NALF1: variants seen among roughly 807,000 people sequenced by gnomAD.
NALF1 encodes NALCN channel auxiliary factor 1.
Under a neutral mutation model 48.4 loss-of-function variants are expected in NALF1, and 3 were observed. That is an observed-to-expected ratio of 0.06 (90% CI 0.03 to 0.16). NALF1 has a LOEUF of 0.16. Among genes scored for constraint, NALF1 ranks in the 10% least tolerant of loss-of-function variants. NALF1 has a pLI of 1.00. For missense variants in NALF1, 526 were observed against 571.5 expected (o/e 0.92, Z 0.81); for synonymous variants, 262 against 245.7 (o/e 1.07, Z -0.62).
At chr13:107,576,563 C>T (rs9301239) in intron 1 of NALF1, among the ~76,000 whole-genome samples, 136,117 of 152,186 alleles carry the variant, frequency 0.89, 62,079 homozygotes, top group East Asian at 1. Context: ...TGATAGGCTA[C>T]AGTAAGACTA....
intron 1 of NALF1, among the ~76,000 whole-genome samples, chr13:107,520,197 A>G (rs1876191706): frequency 6.6e-6 from 1 of 152,166 alleles, no homozygotes; most frequent in Non-Finnish European, 1.5e-5. Context: ...TTCTATATGT[A>G]TAAGAAAAAA....
intron 1 of NALF1, among the ~76,000 whole-genome samples, chr13:107,785,268 G>A (rs910455114): frequency 1.3e-5 from 2 of 152,060 alleles, no homozygotes; most frequent in African/African-American, 4.8e-5. Context: ...ATTACTATGT[G>A]CTGATTCCAC....
chr13:107,815,565 G>A (rs982004420), intron 1 of NALF1, among the ~76,000 whole-genome samples: 3 of 152,166 alleles, frequency 2.0e-5, no homozygotes, highest in Non-Finnish European at 1.5e-5. Flanking sequence ...GCTAGTAGAA[G>A]TGTAAAATAC....
intron 1 of NALF1, among the ~76,000 whole-genome samples, chr13:107,458,727 C>T (rs570942506): frequency 5.9e-5 from 9 of 152,180 alleles, no homozygotes; most frequent in African/African-American, 1.7e-4. Flanking sequence ...AGACCAACAA[C>T]GCAGAAACAT....
At chr13:107,243,286 G>T (rs911639523) in intron 1 of NALF1, among the ~76,000 whole-genome samples, 5 of 152,038 alleles carry the variant, frequency 3.3e-5, no homozygotes, top group African/African-American at 1.2e-4. Flanking sequence ...CACCTCCCTT[G>T]TCCTCTACCC....
In NALF1 at chr13:107,167,125, GAAT is replaced by G. The variant is rs1324073960; in HGVS notation, c.*3369_*3371del. The G allele has an allele frequency of 1.3e-5, 2 of 152,088 alleles. No individual in the cohort carries two copies. Among genetic ancestry groups the G allele is most frequent in the Non-Finnish European group, 2.9e-5 (2 of 67,996 alleles). The allele number at this position is 152,088 out of a possible 1,614,324, so 9.4% of individuals were successfully genotyped here. A position where few individuals can be genotyped will look rare whatever the true frequency, so the allele number is the denominator to read the frequency against. On this transcript the variant is annotated 3_prime_UTR_variant, in exon 3 of 3. Coordinates refer to ENST00000375915, the MANE Select transcript of NALF1 (RefSeq NM_001080396.3). ...GAAATTTCTCTATTGCAGATAAAAAGAATAATAAACAGGGAAATCTATGCCATA... is the reference window on the plus strand; with the variant it reads ...GAAATTTCTCTATTGCAGATAAAAAGAATAAACAGGGAAATCTATGCCATA...
intron 1 of NALF1, among the ~76,000 whole-genome samples, chr13:107,279,035 CTTTTCTTCTTTT>C (rs1881335019): frequency 8.1e-6 from 1 of 124,196 alleles, no homozygotes; most frequent in African/African-American, 2.9e-5. Flanking sequence ...CTTTTCTTTT[CTTTTCTTCTTTT>C]TTTTTTTTTT....
chr13:107,535,715 G>A (rs1385691821), intron 1 of NALF1, among the ~76,000 whole-genome samples: 2 of 151,982 alleles, frequency 1.3e-5, no homozygotes, highest in Admixed American at 6.6e-5. Flanking sequence ...TCACAGAATT[G>A]GAAAAAACTA....
chr13:107,196,351 C>G (rs910055715), intron 2 of NALF1, among the ~76,000 whole-genome samples: 11 of 152,094 alleles, frequency 7.2e-5, no homozygotes, highest in African/African-American at 2.4e-4. Flanking sequence ...TAGAATCAAG[C>G]TAGTAATGAG....
chr13:107,678,671 A>T (rs6492069), intron 1 of NALF1, among the ~76,000 whole-genome samples: 1 of 152,062 alleles, frequency 6.6e-6, no homozygotes, highest in Non-Finnish European at 1.5e-5. Flanking sequence ...GGGAGAACTC[A>T]GGAAACTCAC....
At chr13:107,667,097 T>C (rs1465575703) in intron 1 of NALF1, among the ~76,000 whole-genome samples, 2 of 152,092 alleles carry the variant, frequency 1.3e-5, no homozygotes, top group Non-Finnish European at 2.9e-5. Context: ...ATTTTTATAG[T>C]TTCATCTTGA....
intron 1 of NALF1, among the ~76,000 whole-genome samples, chr13:107,860,543 C>T (rs1046402492): frequency 6.6e-6 from 1 of 152,076 alleles, no homozygotes; most frequent in African/African-American, 2.4e-5. Flanking sequence ...GCCTTAGCGC[C>T]CTCAAAGATT....
intron 1 of NALF1, among the ~76,000 whole-genome samples, chr13:107,638,142 A>G (rs1943380149): frequency 7.4e-6 from 1 of 135,978 alleles, no homozygotes; most frequent in Non-Finnish European, 1.6e-5. Flanking sequence ...CAATGAACCT[A>G]TATATGAAAG....
intron 1 of NALF1, among the ~76,000 whole-genome samples, chr13:107,659,331 A>C (rs1022581633): frequency 2.0e-5 from 3 of 151,998 alleles, no homozygotes; most frequent in African/African-American, 7.3e-5. Context: ...TTCCCACTAG[A>C]TTGCTGCCTT....
intron 1 of NALF1, among the ~76,000 whole-genome samples, chr13:107,832,335 A>G (rs764353634): frequency 2.0e-4 from 31 of 152,044 alleles, no homozygotes; most frequent in Non-Finnish European, 2.9e-4. Flanking sequence ...TGCTTACTTC[A>G]GCTTTATCTC....
intron 1 of NALF1, among the ~76,000 whole-genome samples, chr13:107,747,347 C>T (rs756780515): frequency 2.6e-5 from 4 of 152,164 alleles, no homozygotes; most frequent in East Asian, 1.9e-4. Context: ...TCAAATGGTG[C>T]TTCTTTTGGG....
At position 107,542,339 on chromosome 13, in the gene NALF1, A is replaced by G. The variant is rs9559057; in HGVS notation, c.915+323343T>C. On this transcript the variant is annotated intron_variant, in intron 1 of 2. Coordinates refer to ENST00000375915, the MANE Select transcript of NALF1 (RefSeq NM_001080396.3). ...TTCAGGCTGGTGGGGGAGGGGGGCAATGACACTGTAGAAAGGTAGTAGCTA... is the reference window on the plus strand; with the variant it reads ...TTCAGGCTGGTGGGGGAGGGGGGCAGTGACACTGTAGAAAGGTAGTAGCTA... 0.028 allele frequency among the ~76,000 whole-genome samples: 4,197 copies of G among 152,146 alleles called. 403 individuals are homozygous for G. In the East Asian group the frequency reaches 0.37, roughly 13 times the overall value.
At chr13:107,610,549 C>A (rs556047745) in intron 1 of NALF1, among the ~76,000 whole-genome samples, 1 of 152,050 alleles carries the variant, frequency 6.6e-6, no homozygotes, top group Non-Finnish European at 1.5e-5. Context: ...AATATGTGTG[C>A]AGATGTTTGA....
chr13:107,464,475 T>C (rs1884967789), intron 1 of NALF1, among the ~76,000 whole-genome samples: 1 of 152,138 alleles, frequency 6.6e-6, no homozygotes, highest in Non-Finnish European at 1.5e-5. Context: ...ATTTTTTGTG[T>C]TTTCAGAAAT....
Sources: gnomAD v4.1 joint callset for allele counts (sites outside exome capture counted in the v4.1 genomes callset) on GRCh38, gnomAD v4.1.1 for gene constraint, MANE v1.5 for transcripts, NCBI Gene and HGNC (gene_info 2026-07-23, HGNC 2026-07-21) for gene names.